HDAC9: variants seen among roughly 807,000 people sequenced by gnomAD.
HDAC9 encodes histone deacetylase 9.
HDAC9 carries 41 observed loss-of-function variants against 139.4 expected under a neutral mutation model. The observed-to-expected ratio is 0.29, with a 90% CI of 0.23 to 0.38. The LOEUF (loss-of-function observed/expected upper bound fraction) is 0.38, where lower values mean the gene tolerates loss of function less well. Among genes scored for constraint, HDAC9 ranks in the 10% least tolerant of loss-of-function variants. The pLI is 1.00. For missense variants in HDAC9, 1,147 were observed against 1,297.0 expected (o/e 0.88, Z 1.78); for synonymous variants, 517 against 476.2 (o/e 1.09, Z -1.12).
At chr7:18,323,181 C>T (rs1262901009) in intron 1 of HDAC9, among the ~76,000 whole-genome samples, 2 of 152,140 alleles carry the variant, frequency 1.3e-5, no homozygotes, top group African/African-American at 2.4e-5. Flanking sequence ...TCTTTGAACC[C>T]GTTCAGTCTC....
intron 14 of HDAC9, among the ~76,000 whole-genome samples, chr7:18,752,465 G>A (rs971787775): frequency 1.3e-5 from 2 of 152,158 alleles, no homozygotes; most frequent in Non-Finnish European, 2.9e-5. Flanking sequence ...AAGGCTCAAG[G>A]GCATTACTTC....
At position 18,541,122 on chromosome 7, in the gene HDAC9, C is replaced by G. The variant is rs900758556; in HGVS notation, c.23-44159C>G. Among the ~76,000 whole-genome samples the G allele has an allele frequency of 5.7e-4, 70 of 122,744 alleles. 1 individual carries two copies. The highest frequency in any genetic ancestry group is 1.9e-3 in the African/African-American group (62 of 32,494). 80.5% of individuals were successfully genotyped at this position (122,744 alleles called of 152,430 possible). A position where few individuals can be genotyped will look rare whatever the true frequency, so the allele number is the denominator to read the frequency against. The stretch of plus-strand genomic sequence containing the variant: ...CAGCTGGAAATAGCATTAAGTGTTT[C>G]AAATATCCAAGGAACCGTGTTTTTT... On this transcript the variant is annotated intron_variant, in intron 2 of 25. Coordinates refer to ENST00000686413, the MANE Select transcript of HDAC9 (RefSeq NM_178425.4).
intron 1 of HDAC9, among the ~76,000 whole-genome samples, chr7:18,135,314 T>A (rs984809493): frequency 6.6e-6 from 1 of 151,690 alleles, no homozygotes; most frequent in Non-Finnish European, 1.5e-5. Context: ...TTCTTTTTTT[T>A]ATTATACTTT....
At chr7:18,613,426 T>C (rs941604946) in intron 6 of HDAC9, among the ~76,000 whole-genome samples, 1 of 152,178 alleles carries the variant, frequency 6.6e-6, no homozygotes, top group East Asian at 1.9e-4. Context: ...TTAAGGGACA[T>C]TTTTGCTTTC....
chr7:18,591,838 G>T (rs1022186159), intron 5 of HDAC9, among the ~76,000 whole-genome samples, 196 bp downstream of exon 5: 4 of 152,094 alleles, frequency 2.6e-5, no homozygotes, highest in African/African-American at 9.7e-5. Context: ...AGGGTTGCTG[G>T]CACGGTCCTA....
chr7:18,146,828 C>T (rs975515739), intron 1 of HDAC9, among the ~76,000 whole-genome samples: 5 of 152,060 alleles, frequency 3.3e-5, no homozygotes, highest in African/African-American at 1.2e-4. Flanking sequence ...AACATTTTTC[C>T]CAAGAAGCAG....
chr7:18,359,670 A>G (rs918091368), intron 1 of HDAC9, among the ~76,000 whole-genome samples: 3 of 152,038 alleles, frequency 2.0e-5, no homozygotes, highest in Admixed American at 6.5e-5. Context: ...GTGCAGTGGC[A>G]CACTCTCAGC....
chr7:18,754,200 G>A (rs927530363), intron 14 of HDAC9, among the ~76,000 whole-genome samples: 1 of 152,036 alleles, frequency 6.6e-6, no homozygotes, highest in Non-Finnish European at 1.5e-5. Context: ...TTAGTTTAGT[G>A]ATTCTGTTGG....
intron 1 of HDAC9, among the ~76,000 whole-genome samples, chr7:18,434,202 G>C (rs902482817): frequency 1.5e-4 from 23 of 152,198 alleles, no homozygotes; most frequent in African/African-American, 5.3e-4. Flanking sequence ...GGAGGAACTA[G>C]CTATCCGTAT....
At chr7:18,716,990 C>CTTTT (rs528916567) in intron 12 of HDAC9, among the ~76,000 whole-genome samples, 4 of 115,146 alleles carry the variant, frequency 3.5e-5, no homozygotes, top group East Asian at 5.2e-4. Context: ...CTCGTTAGCA[C>CTTTT]TTTTTTTTTT....
At chr7:18,558,678 GAGA>G (rs1293883017) in intron 2 of HDAC9, among the ~76,000 whole-genome samples, 1 of 152,204 alleles carries the variant, frequency 6.6e-6, no homozygotes, top group East Asian at 1.9e-4. Context: ...AGCACTGAAA[GAGA>G]AGTCTGACTC....
At chr7:18,118,552 G>T (rs1784164906) in intron 1 of HDAC9, among the ~76,000 whole-genome samples, 1 of 152,080 alleles carries the variant, frequency 6.6e-6, no homozygotes, top group Admixed American at 6.5e-5. Context: ...CACTGTCTGA[G>T]CTACTTAGGA....
At chr7:18,448,104 A>G (rs1026382557) in intron 1 of HDAC9, among the ~76,000 whole-genome samples, 1 of 152,160 alleles carries the variant, frequency 6.6e-6, no homozygotes, top group Admixed American at 6.5e-5. Flanking sequence ...GCCTCAAGTG[A>G]TCCACCCACC....
At chr7:18,867,143 G>T (rs1055018567) in intron 21 of HDAC9, among the ~76,000 whole-genome samples, 26 of 152,174 alleles carry the variant, frequency 1.7e-4, no homozygotes, top group African/African-American at 6.0e-4. Flanking sequence ...TTCACCAGGG[G>T]TGGAGACATG....
intron 1 of HDAC9, among the ~76,000 whole-genome samples, chr7:18,393,999 C>G (rs1222541786): frequency 6.6e-6 from 1 of 152,120 alleles, no homozygotes; most frequent in African/African-American, 2.4e-5. Context: ...AGAAGGCAGT[C>G]TGTTAATTTA....
At chr7:18,984,856 C>T (rs376462713) in intron 25 of HDAC9, among the ~76,000 whole-genome samples, 2 of 152,010 alleles carry the variant, frequency 1.3e-5, no homozygotes, top group African/African-American at 4.8e-5. Context: ...TATGTCAATT[C>T]CCCACAAAAA....
intron 12 of HDAC9, among the ~76,000 whole-genome samples, chr7:18,675,570 A>T: frequency 6.6e-6 from 1 of 152,108 alleles, no homozygotes; most frequent in South Asian, 2.1e-4. Flanking sequence ...TCTCCTTGGT[A>T]GGAGCTGACC....
chr7:18,393,622 A>G (rs1786747485), intron 1 of HDAC9, among the ~76,000 whole-genome samples: 1 of 152,192 alleles, frequency 6.6e-6, no homozygotes, highest in Non-Finnish European at 1.5e-5. Context: ...GCAGGAGGAA[A>G]GTGAGCTAAA....
chr7:18,624,617 C>T (rs1055240407), intron 6 of HDAC9, among the ~76,000 whole-genome samples: 9 of 152,022 alleles, frequency 5.9e-5, no homozygotes, highest in Admixed American at 3.9e-4. Flanking sequence ...TTTCTGGGCT[C>T]TGAGGATTTG....
Sources: allele counts gnomAD v4.1 joint callset (sites outside exome capture counted in the v4.1 genomes callset), GRCh38; gene constraint gnomAD v4.1.1; transcripts MANE v1.5; gene names NCBI Gene and HGNC (gene_info 2026-07-23, HGNC 2026-07-21).